The following CDH1 variants were observed in gnomAD, a reference collection of about 807,000 sequenced individuals.
The protein encoded by CDH1 is cadherin 1, also known as cadherin-1.
A neutral mutation model predicts 84.5 loss-of-function variants in CDH1; 35 were observed. That is an observed-to-expected ratio of 0.41 (90% CI 0.32 to 0.55). CDH1 has a LOEUF of 0.55. Ranked by LOEUF, CDH1 falls within the 20% of genes least tolerant of loss-of-function variation. The pLI is 0.19. For synonymous variants in CDH1, 417 were observed against 439.0 expected (o/e 0.95, Z 0.63); for missense variants, 994 against 1,126.6 (o/e 0.88, Z 1.68).
intron 2 of CDH1, among the ~76,000 whole-genome samples, chr16:68,793,193 T>C (rs1329877142): frequency 6.6e-6 from 1 of 152,176 alleles, no homozygotes; most frequent in African/African-American, 2.4e-5. Flanking sequence ...GTGGTTGACG[T>C]TGGCAGTTTA....
At chr16:68,779,992 GGCTCTC>G (rs1959832037) in intron 2 of CDH1, among the ~76,000 whole-genome samples, 2 of 152,110 alleles carry the variant, frequency 1.3e-5, no homozygotes, top group South Asian at 4.2e-4. Context: ...ATAAAAGCCC[GGCTCTC>G]TACAATGAGG....
intron 2 of CDH1, among the ~76,000 whole-genome samples, chr16:68,788,355 G>A (rs757625747): frequency 3.9e-4 from 59 of 152,118 alleles, no homozygotes; most frequent in Non-Finnish European, 2.1e-4. Flanking sequence ...TTTTATAAAC[G>A]TACACAGCTG....
At chr16:68,804,432 C>A (rs1232415576) in intron 3 of CDH1, among the ~76,000 whole-genome samples, 1 of 152,032 alleles carries the variant, frequency 6.6e-6, no homozygotes, top group African/African-American at 2.4e-5. Flanking sequence ...TTTTAAGAAA[C>A]CTTTGTGGAA....
chr16:68,784,023 A>G (rs558308624), intron 2 of CDH1, among the ~76,000 whole-genome samples: 1 of 152,228 alleles, frequency 6.6e-6, no homozygotes, highest in Non-Finnish European at 1.5e-5. Flanking sequence ...GTGGATGCCC[A>G]TCATTGATTT....
intron 2 of CDH1, among the ~76,000 whole-genome samples, chr16:68,755,638 CT>C (rs915980576): frequency 6.6e-6 from 1 of 152,042 alleles, no homozygotes; most frequent in African/African-American, 2.4e-5. Flanking sequence ...TGACCTGCCA[CT>C]TTAGGAACAT....
At chr16:68,751,608 T>G (rs1276914050) in intron 2 of CDH1, among the ~76,000 whole-genome samples, 1 of 151,976 alleles carries the variant, frequency 6.6e-6, no homozygotes, top group East Asian at 1.9e-4. Context: ...GTTCAAGCAG[T>G]TCTCCTGCCT....
Position 68,801,842 on chromosome 16 carries a change from C to A in CDH1, c.336C>A (p.Thr112=), listed in dbSNP as rs876660703. 6.2e-7 allele frequency: 1 copy of A among 1,614,192 alleles called. No homozygotes were observed. Residue 112 remains threonine, a synonymous_variant, in exon 3 of 16, where the codon ACC becomes ACA. Coordinates refer to ENST00000261769, the MANE Select transcript of CDH1 (RefSeq NM_004360.5). ...ACTCCACCTACAGAAAGTTTTCCAC[C>A]AAAGTCACGCTGAATACAGTGGGGC... is the stretch of plus-strand genomic sequence containing the variant. ...AWDSTYRKFS[T]KVTLNTVGHH... is the part of the protein sequence containing the mutation.
At chr16:68,767,205 CTTT>C (rs1959416863) in intron 2 of CDH1, among the ~76,000 whole-genome samples, 4 of 145,106 alleles carry the variant, frequency 2.8e-5, no homozygotes. Context: ...TTTTTTTTTT[CTTT>C]TCCCCTGAGA....
rs2152141376 is a variant in CDH1, at chr16:68,828,178, G to A, written c.2169G>A (p.Leu723=). The change falls in exon 14 of 16, where the codon CTG becomes CTA. Residue 723 remains leucine (L), a synonymous_variant. Coordinates refer to ENST00000261769, the MANE Select transcript of CDH1 (RefSeq NM_004360.5). Reference sequence around the variant, plus strand: ...CTGTCTCCCCCACCATCCCAGTTCTGATTCTGCTGCTCTTGCTGTTTCTTC... The same window carrying A: ...CTGTCTCCCCCACCATCCCAGTTCTAATTCTGCTGCTCTTGCTGTTTCTTC... ...ILGGILALLI[L]ILLLLLFLRR... is the part of the protein sequence containing the mutation. 6.2e-7 allele frequency: 1 copy of A among 1,613,802 alleles called. No individual in the cohort carries two copies. The highest frequency in any genetic ancestry group is 8.5e-7 in the Non-Finnish European group (1 of 1,179,850).
At chr16:68,755,726 C>T (rs1488326030) in intron 2 of CDH1, among the ~76,000 whole-genome samples, 2 of 151,822 alleles carry the variant, frequency 1.3e-5, no homozygotes, top group African/African-American at 4.8e-5. Context: ...AGCATGTTGC[C>T]CAAGAGGAAT....
intron 2 of CDH1, among the ~76,000 whole-genome samples, chr16:68,740,823 C>T (rs1021670075): frequency 6.6e-6 from 1 of 152,064 alleles, no homozygotes; most frequent in Non-Finnish European, 1.5e-5. Context: ...AGGGTGGGCA[C>T]TGTTATTCTT....
intron 2 of CDH1, among the ~76,000 whole-genome samples, chr16:68,771,642 C>G (rs1959577583): frequency 1.3e-5 from 2 of 151,826 alleles, no homozygotes; most frequent in Admixed American, 1.3e-4. Flanking sequence ...GTCCCAGCTA[C>G]TAGGGAGGCT....
chr16:68,741,140 C>T (rs186251473), intron 2 of CDH1, among the ~76,000 whole-genome samples: 233 of 152,054 alleles, frequency 1.5e-3, no homozygotes, highest in African/African-American at 5.3e-3. Flanking sequence ...ACAGAATCCG[C>T]AGGCCTCTGG....
intron 2 of CDH1, among the ~76,000 whole-genome samples, chr16:68,775,174 T>C (rs1959695703): frequency 6.6e-6 from 1 of 151,944 alleles, no homozygotes; most frequent in African/African-American, 2.4e-5. Context: ...ACAATTAACA[T>C]TGTCATATTT....
At chr16:68,760,783 G>A (rs934055885) in intron 2 of CDH1, among the ~76,000 whole-genome samples, 1 of 152,138 alleles carries the variant, frequency 6.6e-6, no homozygotes, top group African/African-American at 2.4e-5. Flanking sequence ...GAATTCAGGT[G>A]GGGTGGGACT....
Position 68,819,434 on chromosome 16 carries a change from G to C in CDH1, c.1711+9G>C, listed in dbSNP as rs368770384. 1.2e-5 allele frequency: 20 copies of C among 1,612,914 alleles called. No homozygotes were observed. Among genetic ancestry groups the C allele is most frequent in the Non-Finnish European group, 1.6e-5 (19 of 1,179,886 alleles). ...CATAGCTACAGACAATGGTAAGGGG[G>C]CCTCATCTGAGCCTTTGCTGCCTCG... On this transcript the variant is annotated intron_variant, in intron 11 of 15. Coordinates refer to ENST00000261769, the MANE Select transcript of CDH1 (RefSeq NM_004360.5).
chr16:68,781,289 C>T (rs1340324910), intron 2 of CDH1, among the ~76,000 whole-genome samples: 1 of 152,138 alleles, frequency 6.6e-6, no homozygotes, highest in Non-Finnish European at 1.5e-5. Context: ...CATTCTCCAC[C>T]CTCCTCCACA....
At position 68,778,201 on chromosome 16, in the gene CDH1, C is replaced by G. The variant is rs145585086; in HGVS notation, c.164-23469C>G. Reference sequence around the variant, plus strand: ...TAGTTGGGGCTACAGGCACCTGCCACCATGTCCAGCTAATTTTTGTATTTT... The same window carrying G: ...TAGTTGGGGCTACAGGCACCTGCCAGCATGTCCAGCTAATTTTTGTATTTT... On this transcript the variant is annotated intron_variant, in intron 2 of 15. Transcript: ENST00000261769. Among the ~76,000 whole-genome samples the G allele has an allele frequency of 3.4e-3, 511 of 152,232 alleles. 1 individual carries two copies. The highest frequency in any genetic ancestry group is 0.012 in the African/African-American group (502 of 41,536).
intron 2 of CDH1, among the ~76,000 whole-genome samples, chr16:68,788,653 C>T (rs1177825068): frequency 1.3e-5 from 2 of 152,044 alleles, no homozygotes; most frequent in African/African-American, 4.8e-5. Context: ...TTTGGGTTGA[C>T]TGTATATAAG....
Sources: gnomAD v4.1 joint callset for allele counts (sites outside exome capture counted in the v4.1 genomes callset) on GRCh38, gnomAD v4.1.1 for gene constraint, MANE v1.5 for transcripts, NCBI Gene and HGNC (gene_info 2026-07-23, HGNC 2026-07-21) for gene names.